Variants in LPP observed in about 807,000 individuals in gnomAD.
LPP encodes the protein lipoma-preferred partner.
LPP carries 38 observed loss-of-function variants against 60.4 expected under a neutral mutation model. That is an observed-to-expected ratio of 0.63 (90% CI 0.49 to 0.83). The LOEUF (loss-of-function observed/expected upper bound fraction) is 0.83, where lower values mean the gene tolerates loss of function less well. Among genes scored for constraint, LPP ranks in the 40% least tolerant of loss-of-function variants. The pLI is 0.00. For missense variants in LPP, 902 were observed against 783.6 expected (o/e 1.15, Z -1.80); for synonymous variants, 328 against 290.8 (o/e 1.13, Z -1.30).
At chr3:188,815,755 A>G (rs1284660133) in intron 9 of LPP, among the ~76,000 whole-genome samples, 1 of 152,116 alleles carries the variant, frequency 6.6e-6, no homozygotes, top group East Asian at 1.9e-4. Flanking sequence ...GGGTCAGTCT[A>G]TTTTCCTTTA....
intron 2 of LPP, among the ~76,000 whole-genome samples, chr3:188,243,142 T>A (rs1011238101): frequency 6.6e-6 from 1 of 152,108 alleles, no homozygotes; most frequent in African/African-American, 2.4e-5. Context: ...AAAATACTAA[T>A]AAGAAATGCC....
Position 188,615,173 on chromosome 3 carries a change from A to AT in LPP, c.1113+5331dup, listed in dbSNP as rs1431565418. On this transcript the variant is annotated intron_variant, in intron 7 of 11. Transcript: ENST00000617246. ...AAGTTCCCAACCAGTTGCAGAATAC[A>AT]TTGAAATCCCAAACTGGATTTCTAG... 2.6e-5 allele frequency among the ~76,000 whole-genome samples: 4 copies of AT among 152,340 alleles called. No individual in the cohort carries two copies. The East Asian group carries it at 7.7e-4, about 29-fold the overall frequency.
chr3:188,671,136 C>T (rs1473276117), intron 7 of LPP, among the ~76,000 whole-genome samples: 2 of 152,176 alleles, frequency 1.3e-5, no homozygotes, highest in African/African-American at 4.8e-5. Flanking sequence ...AATGGCTCTG[C>T]CTCTTTTATG....
intron 9 of LPP, among the ~76,000 whole-genome samples, chr3:188,800,465 T>TA (rs1746829607): frequency 6.6e-6 from 1 of 151,966 alleles, no homozygotes; most frequent in Admixed American, 6.6e-5. Context: ...CAGGATGGTC[T>TA]CCATCTCCTG....
intron 1 of LPP, among the ~76,000 whole-genome samples, chr3:188,209,307 A>G (rs1734090138): frequency 6.6e-6 from 1 of 152,244 alleles, no homozygotes; most frequent in East Asian, 1.9e-4. Flanking sequence ...TGAGACTGGG[A>G]AATCATTTAA....
At chr3:188,859,743 A>G (rs1423187335) in intron 9 of LPP, among the ~76,000 whole-genome samples, 1 of 152,250 alleles carries the variant, frequency 6.6e-6, no homozygotes, top group African/African-American at 2.4e-5. Context: ...ATTAACAAAA[A>G]AAGTTGAAAT....
In LPP at chr3:188,154,203, G is replaced by GCCGCCGCCGCCACCACCA. The variant is rs1553796032; in HGVS notation, c.-231_-214dup. 2.7e-5 allele frequency: 6 copies of GCCGCCGCCGCCACCACCA among 222,344 alleles called. No individual in the cohort carries two copies. Among genetic ancestry groups the GCCGCCGCCGCCACCACCA allele is most frequent in the Non-Finnish European group, 5.2e-5 (6 of 115,198 alleles). The allele number at this position is 222,344 out of a possible 1,614,324, so 13.8% of individuals were successfully genotyped here. A position where few individuals can be genotyped will look rare whatever the true frequency, so the allele number is the denominator to read the frequency against. On this transcript the variant is annotated 5_prime_UTR_variant, in exon 1 of 12. Coordinates refer to ENST00000617246, the MANE Select transcript of LPP (RefSeq NM_001375462.1). ...TCCGCCTCCAGCCGCCGCCGCCGCC[G>GCCGCCGCCGCCACCACCA]CCGCCGCCGCCACCACCACCGCCGC...
At chr3:188,800,965 T>C (rs1306431465) in intron 9 of LPP, among the ~76,000 whole-genome samples, 3 of 152,198 alleles carry the variant, frequency 2.0e-5, no homozygotes, top group South Asian at 4.1e-4. Context: ...AATTTGGAAC[T>C]CCTCCACAGA....
chr3:188,245,585 C>T (rs1457905454), intron 2 of LPP, among the ~76,000 whole-genome samples: 1 of 152,106 alleles, frequency 6.6e-6, no homozygotes, highest in Non-Finnish European at 1.5e-5. Context: ...ATAATGTCAC[C>T]TATGCAATAA....
intron 9 of LPP, among the ~76,000 whole-genome samples, chr3:188,825,439 A>C (rs1336075575): frequency 6.6e-6 from 1 of 151,862 alleles, no homozygotes; most frequent in Non-Finnish European, 1.5e-5. Context: ...TAACTAGTCA[A>C]CTCGAGAGTT....
At chr3:188,795,041 A>C (rs976650523) in intron 9 of LPP, among the ~76,000 whole-genome samples, 1 of 152,190 alleles carries the variant, frequency 6.6e-6, no homozygotes, top group Non-Finnish European at 1.5e-5. Context: ...AGGCTGAGGC[A>C]GGAGAATTGC....
chr3:188,810,843 A>G (rs2151305837), intron 9 of LPP, among the ~76,000 whole-genome samples: 1 of 152,234 alleles, frequency 6.6e-6, no homozygotes, highest in East Asian at 1.9e-4. Context: ...TCCATCTTGT[A>G]CAGAAGCCAT....
chr3:188,804,369 T>A (rs1416876613), intron 9 of LPP, among the ~76,000 whole-genome samples: 1 of 146,832 alleles, frequency 6.8e-6, no homozygotes, highest in African/African-American at 2.5e-5. Flanking sequence ...TTATCCTAAA[T>A]GAAATAAATT....
At position 188,613,261 on chromosome 3, in the gene LPP, C is replaced by CTATAT. The variant is rs1553944171; in HGVS notation, c.1113+3417_1113+3418insTATAT. Among the ~76,000 whole-genome samples, 299 of 117,350 alleles carry CTATAT rather than the reference C, an allele frequency of 2.5e-3. 2 individuals are homozygous for CTATAT. Among genetic ancestry groups the CTATAT allele is most frequent in the Admixed American group, 9.7e-3 (112 of 11,606 alleles). The allele number at this position is 117,350 out of a possible 152,430, so 77.0% of individuals were successfully genotyped here. A position where few individuals can be genotyped will look rare whatever the true frequency, so the allele number is the denominator to read the frequency against. On this transcript the variant is annotated intron_variant, in intron 7 of 11. Transcript: ENST00000617246. ...TGCATTTTATATATCTATATCTATA[C>CTATAT]CTATATCTATATCTATATCTATATC...
intron 8 of LPP, among the ~76,000 whole-genome samples, chr3:188,715,042 T>G (rs992583398): frequency 6.6e-6 from 1 of 151,962 alleles, no homozygotes; most frequent in Admixed American, 6.6e-5. Context: ...CCTAGACAAC[T>G]AGAAAAATAT....
chr3:188,297,142 A>G (rs1003630029), intron 2 of LPP, among the ~76,000 whole-genome samples: 2 of 152,240 alleles, frequency 1.3e-5, no homozygotes, highest in African/African-American at 2.4e-5. Context: ...CATTCGATCT[A>G]TAATTCAGTC....
chr3:188,803,043 T>C (rs13066783), intron 9 of LPP, among the ~76,000 whole-genome samples: 16,897 of 138,444 alleles, frequency 0.12, 1,466 homozygotes, highest in Non-Finnish European at 0.19. Context: ...TTGTTGTATA[T>C]GCTTTTTTTT....
At chr3:188,172,062 C>T (rs1476486077) in intron 1 of LPP, among the ~76,000 whole-genome samples, 7 of 152,218 alleles carry the variant, frequency 4.6e-5, no homozygotes, top group South Asian at 2.1e-4. Flanking sequence ...TTGGTAACCT[C>T]GGCGAGGTTT....
chr3:188,240,578 A>T (rs575129914), intron 2 of LPP, among the ~76,000 whole-genome samples: 2 of 152,278 alleles, frequency 1.3e-5, no homozygotes, highest in East Asian at 3.9e-4. Context: ...AACTCATTCC[A>T]CTGTTATTGA....
Sources: allele counts gnomAD v4.1 joint callset (sites outside exome capture counted in the v4.1 genomes callset), GRCh38; gene constraint gnomAD v4.1.1; transcripts MANE v1.5; gene names NCBI Gene and HGNC (gene_info 2026-07-23, HGNC 2026-07-21).